CCDC18: variants seen among roughly 807,000 people sequenced by gnomAD.
The protein encoded by CCDC18 is coiled-coil domain containing 18.
In CCDC18, 157 loss-of-function variants were observed where a neutral mutation model predicts 196.0. That is an observed-to-expected ratio of 0.80 (90% CI 0.70 to 0.91). CCDC18 has a LOEUF of 0.91. Among genes scored for constraint, CCDC18 ranks in the 40% least tolerant of loss-of-function variants. The probability of loss-of-function intolerance (pLI) is 0.00; values close to 1 mark genes in which losing one functional copy is unlikely to be tolerated. For synonymous variants in CCDC18, 482 were observed against 529.2 expected (o/e 0.91, Z 1.22); for missense variants, 1,465 against 1,611.6 (o/e 0.91, Z 1.56).
intron 17 of CCDC18, among the ~76,000 whole-genome samples, chr1:93,228,473 A>T (rs1454533194): frequency 6.6e-6 from 1 of 151,476 alleles, no homozygotes; most frequent in South Asian, 2.1e-4. Context: ...CTCCAGACTT[A>T]GGTGCATCAA....
At chr1:93,261,552 A>G (rs1359004098) in intron 26 of CCDC18, among the ~76,000 whole-genome samples, 1 of 152,104 alleles carries the variant, frequency 6.6e-6, no homozygotes, top group Non-Finnish European at 1.5e-5. Flanking sequence ...TTGAAAGCAC[A>G]GTGCTTTCAA....
chr1:93,179,954 A>T, upstream of CCDC18: 1 of 1,312,260 alleles, frequency 7.6e-7, no homozygotes, highest in Non-Finnish European at 1.0e-6. Context: ...TCGCCTCTTC[A>T]CCACCAGGGC....
chr1:93,240,173 A>G (rs953533175), intron 21 of CCDC18, among the ~76,000 whole-genome samples: 1 of 152,114 alleles, frequency 6.6e-6, no homozygotes, highest in African/African-American at 2.4e-5. Context: ...GAGGATATTA[A>G]TAATGATAAT....
chr1:93,260,221 TA>T (rs1164654764), intron 26 of CCDC18, among the ~76,000 whole-genome samples: 3 of 152,070 alleles, frequency 2.0e-5, no homozygotes, highest in Admixed American at 6.6e-5. Flanking sequence ...CCGTCTCTAC[TA>T]AAAATACAAA....
At chr1:93,236,423 A>G (rs1355284316) in intron 19 of CCDC18, 33 bp downstream of exon 19, 2 of 1,568,184 alleles carry the variant, frequency 1.3e-6, no homozygotes, top group African/African-American at 1.4e-5. Flanking sequence ...TTACCTTCCC[A>G]CTTCAATATC....
At chr1:93,253,253 C>A (rs1233757362) in intron 23 of CCDC18, among the ~76,000 whole-genome samples, 1 of 152,184 alleles carries the variant, frequency 6.6e-6, no homozygotes, top group Non-Finnish European at 1.5e-5. Context: ...GGCTGGAGAA[C>A]CTATCTTGTT....
Position 93,254,527 on chromosome 1 carries a change from G to A in CCDC18, c.3255G>A (p.Glu1085=), listed in dbSNP as rs770681902. 6.2e-7 allele frequency: 1 copy of A among 1,604,242 alleles called. No individual in the cohort carries two copies. The highest frequency in any genetic ancestry group is 8.5e-7 in the Non-Finnish European group (1 of 1,173,556). The change falls in exon 24 of 29, where the codon GAG becomes GAA. Residue 1085 remains glutamate, a synonymous_variant. Transcript: ENST00000690025. ...QNAKEQLREK[E]FIMLQNEQEI... ...CTAAAGAACAGCTTCGAGAAAAAGA[G>A]TTTATAATGCTACAAAATGAACAGG...
intron 17 of CCDC18, among the ~76,000 whole-genome samples, chr1:93,227,967 A>AT (rs1176767918): frequency 1.0e-4 from 11 of 108,712 alleles, no homozygotes; most frequent in African/African-American, 3.3e-4. Flanking sequence ...CAAAAAAAAA[A>AT]AAAAATATAT....
At position 93,221,689 on chromosome 1, in the gene CCDC18, A is replaced by G; in HGVS notation, c.2043A>G (p.Ile681Met). 6.3e-7 allele frequency: 1 copy of G among 1,596,530 alleles called. No homozygotes were observed. Among genetic ancestry groups the G allele is most frequent in the Non-Finnish European group, 8.5e-7 (1 of 1,174,742 alleles). The stretch of plus-strand genomic sequence containing the variant: ...TGTCCATGTTGCAACAAGATATAAT[A>G]TGCAAACAACATCATCTTGAATCAC... ...KTMSMLQQDI[I>M]CKQHHLESLD... The change falls in exon 15 of 29, where the codon ATA becomes ATG. Residue 681 changes from isoleucine to methionine, a missense_variant. Physicochemically the swap from Ile to Met is conservative, Grantham distance 10 (BLOSUM62 1). Transcript: ENST00000690025.
At chr1:93,182,099 C>T (rs1649815950) in intron 1 of CCDC18, among the ~76,000 whole-genome samples, 1 of 152,208 alleles carries the variant, frequency 6.6e-6, no homozygotes, top group Admixed American at 6.5e-5. Flanking sequence ...GATTTATTGA[C>T]TTGTCTGCGA....
At chr1:93,250,082 T>C (rs1200369961) in intron 23 of CCDC18, among the ~76,000 whole-genome samples, 1 of 152,112 alleles carries the variant, frequency 6.6e-6, no homozygotes, top group Non-Finnish European at 1.5e-5. Flanking sequence ...TTAGATAATA[T>C]ATTTGATAGG....
chr1:93,273,825 A>AT (rs1387304660), intron 28 of CCDC18, among the ~76,000 whole-genome samples: 1 of 152,214 alleles, frequency 6.6e-6, no homozygotes, highest in East Asian at 1.9e-4. Flanking sequence ...GACTGTGATC[A>AT]TAACAATACA....
At position 93,270,811 on chromosome 1, in the gene CCDC18, T is replaced by G; in HGVS notation, c.4350T>G (p.Asn1450Lys). ...CTATGCAAACAGGTGCTGGTTTAAATCAGGTATGTATTTTATACACTGTAA... is the reference window on the plus strand; with the variant it reads ...CTATGCAAACAGGTGCTGGTTTAAAGCAGGTATGTATTTTATACACTGTAA... ...KSSMQTGAGLNQGENV is the reference protein window; with the variant it reads ...KSSMQTGAGLKQGENV Residue 1450 changes from asparagine (N) to lysine (K), a missense_variant, in exon 28 of 29, where the codon AAT (asparagine) becomes AAG (lysine). Transcript: ENST00000690025. 2.6e-6 allele frequency: 4 copies of G among 1,524,636 alleles called. No homozygotes were observed. The highest frequency in any genetic ancestry group is 3.5e-6 in the Non-Finnish European group (4 of 1,135,050). The allele number at this position is 1,524,636 out of a possible 1,614,324, so 94.4% of individuals were successfully genotyped here.
chr1:93,217,654 G>A (rs1397365328), intron 13 of CCDC18, 84 bp from the exon 14 acceptor site: 2 of 1,188,466 alleles, frequency 1.7e-6, no homozygotes, highest in African/African-American at 1.5e-5. Context: ...TCCCAGGCTA[G>A]TCTTGAACTC....
In CCDC18 at chr1:93,270,289, AG is replaced by A. The variant is rs1308208936; in HGVS notation, c.3886-57del. 4.2e-4 allele frequency: 371 copies of A among 891,232 alleles called. 5 individuals carry two copies. The South Asian group carries it at 5.7e-3, about 14-fold the overall frequency. 55.2% of individuals were successfully genotyped at this position (891,232 alleles called of 1,614,324 possible). On this transcript the variant is annotated intron_variant, in intron 27 of 28. Transcript: ENST00000690025. ...TCTAAAAGTCTATGATTTTCTAAGG[AG>A]TTCATTCATTTAACAAAAATGTATT...
At chr1:93,265,690 A>G (rs1463018458) in intron 27 of CCDC18, among the ~76,000 whole-genome samples, 6 of 152,210 alleles carry the variant, frequency 3.9e-5, no homozygotes. Context: ...ATCAAAAGAG[A>G]CCAAGAAGGC....
intron 13 of CCDC18, among the ~76,000 whole-genome samples, chr1:93,217,503 G>A (rs2102122775): frequency 6.6e-6 from 1 of 152,210 alleles, no homozygotes; most frequent in East Asian, 1.9e-4. Flanking sequence ...GCAGTGCAGT[G>A]GCACAATCAT....
intron 28 of CCDC18, among the ~76,000 whole-genome samples, chr1:93,277,527 G>A (rs1482402438): frequency 7.3e-6 from 1 of 136,108 alleles, no homozygotes; most frequent in Non-Finnish European, 1.5e-5. Context: ...CTGCCCTCAA[G>A]CATCTGTTTA....
chr1:93,193,173 T>G (rs1470653415), intron 5 of CCDC18, among the ~76,000 whole-genome samples: 3 of 152,160 alleles, frequency 2.0e-5, no homozygotes, highest in Non-Finnish European at 4.4e-5. Context: ...AAAAAAAATT[T>G]TGTTTCTGAG....
Sources: gnomAD v4.1 joint callset for allele counts (sites outside exome capture counted in the v4.1 genomes callset) on GRCh38, gnomAD v4.1.1 for gene constraint, MANE v1.5 for transcripts, NCBI Gene and HGNC (gene_info 2026-07-23, HGNC 2026-07-21) for gene names.